Variants in PRKG1 observed in about 807,000 individuals in gnomAD.
PRKG1 encodes the protein protein kinase cGMP-dependent 1.
Under a neutral mutation model 88.1 loss-of-function variants are expected in PRKG1, and 35 were observed. The observed-to-expected ratio is 0.40, with a 90% CI of 0.30 to 0.53. The LOEUF (loss-of-function observed/expected upper bound fraction) is 0.53, where lower values mean the gene tolerates loss of function less well. PRKG1 is among the 20% of genes least tolerant of loss of function. The pLI is 0.59. For synonymous variants in PRKG1, 303 were observed against 292.5 expected, an observed-to-expected ratio of 1.04 and a Z score of -0.37; for missense variants, 540 against 839.8, an observed-to-expected ratio of 0.64 and a Z score of 4.41.
intron 7 of PRKG1, among the ~76,000 whole-genome samples, chr10:52,118,256 A>T (rs1009512622): frequency 2.6e-5 from 4 of 151,932 alleles, no homozygotes; most frequent in Admixed American, 1.3e-4. Context: ...CTGTGAACTG[A>T]CTGTTCATGT....
At chr10:51,044,173 C>T (rs978579811) in intron 1 of PRKG1, among the ~76,000 whole-genome samples, 12 of 152,140 alleles carry the variant, frequency 7.9e-5, no homozygotes, top group African/African-American at 2.9e-4. Flanking sequence ...ACTCTTATAT[C>T]TTTCATCTTT....
At chr10:51,010,462 AT>A (rs1207971599) in intron 1 of PRKG1, among the ~76,000 whole-genome samples, 2 of 152,238 alleles carry the variant, frequency 1.3e-5, no homozygotes, top group African/African-American at 4.8e-5. Flanking sequence ...CTGAAATTAA[AT>A]TCATCAATAA....
chr10:51,099,835 G>A (rs1844635956), intron 1 of PRKG1, among the ~76,000 whole-genome samples: 1 of 152,210 alleles, frequency 6.6e-6, no homozygotes, highest in Admixed American at 6.5e-5. Context: ...TTTAGTCATT[G>A]TGTTTGGCTC....
chr10:51,999,301 G>A lies in PRKG1; in HGVS notation c.763-55183G>A, dbSNP rs911796615. Among the ~76,000 whole-genome samples, 7 of 152,172 alleles carry A rather than the reference G, an allele frequency of 4.6e-5. No homozygotes were observed. In the South Asian group the frequency reaches 1.4e-3, roughly 31 times the overall value. On this transcript the variant is annotated intron_variant, in intron 5 of 17. Coordinates refer to ENST00000373980, the MANE Select transcript of PRKG1 (RefSeq NM_006258.4). ...ACAGAACTACAATTTGTGTCAGCAGGACATGCCCGGAAGGGATGCCATCTG... is the reference window on the plus strand; with the variant it reads ...ACAGAACTACAATTTGTGTCAGCAGAACATGCCCGGAAGGGATGCCATCTG...
At chr10:51,345,294 C>T (rs1399885549) in intron 2 of PRKG1, among the ~76,000 whole-genome samples, 2 of 152,012 alleles carry the variant, frequency 1.3e-5, no homozygotes, top group Admixed American at 6.6e-5. Flanking sequence ...TTTAATCTTC[C>T]TCTACTTCAT....
chr10:51,537,951 T>C (rs1842199129), intron 3 of PRKG1, among the ~76,000 whole-genome samples: 1 of 152,178 alleles, frequency 6.6e-6, no homozygotes, highest in East Asian at 1.9e-4. Context: ...AATCTTAGCT[T>C]TAAGCTAGAC....
chr10:51,562,504 A>G (rs1837493585), intron 3 of PRKG1, among the ~76,000 whole-genome samples: 1 of 152,048 alleles, frequency 6.6e-6, no homozygotes, highest in South Asian at 2.1e-4. Flanking sequence ...TTTGTGTTAT[A>G]AGGTAGAGGC....
At chr10:51,614,301 G>T (rs138754796) in intron 3 of PRKG1, among the ~76,000 whole-genome samples, 3 of 151,836 alleles carry the variant, frequency 2.0e-5, no homozygotes, top group Non-Finnish European at 4.4e-5. Context: ...GATATAAGCA[G>T]AGCTACTCCT....
chr10:52,037,847 A>T (rs1013721461), intron 5 of PRKG1, among the ~76,000 whole-genome samples: 1 of 151,846 alleles, frequency 6.6e-6, no homozygotes, highest in African/African-American at 2.4e-5. Context: ...GGTCAGATGG[A>T]TCTGTAGAAA....
At position 51,171,249 on chromosome 10, in the gene PRKG1, G is replaced by A. The variant is rs996632404; in HGVS notation, c.478+17919G>A. The stretch of plus-strand genomic sequence containing the variant: ...AGAAGACTAACTGACAAAACTCTCA[G>A]GGAATACCTAGGGTACAGTAATAAT... On this transcript the variant is annotated intron_variant, in intron 2 of 17. Transcript: ENST00000373980. 4.6e-5 allele frequency among the ~76,000 whole-genome samples: 7 copies of A among 152,120 alleles called. No homozygotes were observed. In the East Asian group the frequency reaches 1.2e-3, roughly 25 times the overall value.
rs752316421 is a variant in PRKG1 at position 51,524,708 on chromosome 10, G to A, written c.592+56872G>A. ...CTGTGTATGTTTCCTCACAAGTGTG[G>A]GTGATGTATAAACATTTGTAGAAGG... On this transcript the variant is annotated intron_variant, in intron 3 of 17. Coordinates refer to ENST00000373980, the MANE Select transcript of PRKG1 (RefSeq NM_006258.4). Among the ~76,000 whole-genome samples, 119 of 152,200 alleles carry A rather than the reference G, an allele frequency of 7.8e-4. 1 individual carries two copies. In the Middle Eastern group the frequency reaches 0.024, roughly 30 times the overall value.
intron 3 of PRKG1, among the ~76,000 whole-genome samples, chr10:51,641,971 A>AG (rs1395030369): frequency 6.6e-6 from 1 of 152,136 alleles, no homozygotes; most frequent in Non-Finnish European, 1.5e-5. Flanking sequence ...CAAAGGTGAA[A>AG]GGGGGAATAT....
At chr10:51,378,219 A>C (rs185125211) in intron 2 of PRKG1, among the ~76,000 whole-genome samples, 47 of 152,334 alleles carry the variant, frequency 3.1e-4, no homozygotes, top group African/African-American at 1.1e-3. Flanking sequence ...AAAAGACTGA[A>C]AATGGTTACT....
At chr10:52,239,831 CATATAGAAAAGACAAGACATTG>C in intron 9 of PRKG1, among the ~76,000 whole-genome samples, 1 of 152,064 alleles carries the variant, frequency 6.6e-6, no homozygotes, top group East Asian at 1.9e-4. Flanking sequence ...ATTTTGTATA[CATATAGAAAAGACAAGACATTG>C]AGTTGTTCCC....
chr10:51,070,587 A>G (rs777870035), upstream of PRKG1, among the ~76,000 whole-genome samples: 4 of 152,220 alleles, frequency 2.6e-5, no homozygotes, highest in Non-Finnish European at 5.9e-5. Flanking sequence ...GGATAAAATT[A>G]GCACAGTTCT....
intron 3 of PRKG1, among the ~76,000 whole-genome samples, chr10:51,571,057 A>G (rs1364701358): frequency 6.6e-6 from 1 of 151,952 alleles, no homozygotes; most frequent in Non-Finnish European, 1.5e-5. Flanking sequence ...ATCTTGCTTC[A>G]CCACTTATCA....
chr10:51,887,067 C>A (rs1354812073), intron 4 of PRKG1, among the ~76,000 whole-genome samples: 1 of 152,162 alleles, frequency 6.6e-6, no homozygotes, highest in African/African-American at 2.4e-5. Context: ...CTCACTGCAA[C>A]CTCTGCCTCC....
intron 2 of PRKG1, chr10:51,299,622 G>T (rs1172306580): frequency 6.4e-6 from 3 of 468,266 alleles, no homozygotes; most frequent in Middle Eastern, 3.3e-4. Context: ...GGGAAAAACA[G>T]AGAAGGCACT....
chr10:51,355,672 C>A (rs74907370), intron 2 of PRKG1, among the ~76,000 whole-genome samples: 1 of 151,416 alleles, frequency 6.6e-6, no homozygotes, highest in Non-Finnish European at 1.5e-5. Context: ...ATTTTTTTTT[C>A]ATTCATGAAA....
Sources: gnomAD v4.1 joint callset for allele counts (sites outside exome capture counted in the v4.1 genomes callset) on GRCh38, gnomAD v4.1.1 for gene constraint, MANE v1.5 for transcripts, NCBI Gene and HGNC (gene_info 2026-07-23, HGNC 2026-07-21) for gene names.